The following HDAC4 variants were observed in gnomAD, a reference collection of about 807,000 sequenced individuals.
HDAC4 encodes histone deacetylase A.
A neutral mutation model predicts 135.1 loss-of-function variants in HDAC4; 16 were observed. That is an observed-to-expected ratio of 0.12 (90% CI 0.08 to 0.18). The LOEUF is 0.18. Among genes scored for constraint, HDAC4 ranks in the 10% least tolerant of loss-of-function variants. HDAC4 has a pLI of 1.00. For missense variants in HDAC4, 1,143 were observed against 1,511.8 expected (o/e 0.76, Z 4.05); for synonymous variants, 685 against 653.4 (o/e 1.05, Z -0.74).
intron 1 of HDAC4, among the ~76,000 whole-genome samples, chr2:239,370,082 A>AC (rs1322183605): frequency 1.3e-5 from 2 of 152,264 alleles, no homozygotes; most frequent in Non-Finnish European, 2.9e-5. Flanking sequence ...CCTGTACAGG[A>AC]CGGCAGGCCG....
At chr2:239,079,589 C>T (rs778058075) in intron 22 of HDAC4, among the ~76,000 whole-genome samples, 1 of 152,238 alleles carries the variant, frequency 6.6e-6, no homozygotes, top group African/African-American at 2.4e-5. Context: ...GACTTATTCA[C>T]CGTCCCCAGA....
intron 6 of HDAC4, among the ~76,000 whole-genome samples, chr2:239,161,371 C>T (rs2042781709): frequency 6.6e-6 from 1 of 152,174 alleles, no homozygotes; most frequent in Admixed American, 6.5e-5. Flanking sequence ...TCCCCCTCCC[C>T]ATCAAGGTTG....
At position 239,094,318 on chromosome 2, in the gene HDAC4, A is replaced by C. The variant is rs1402135236; in HGVS notation, c.2280+692T>G. Reference sequence around the variant, plus strand: ...TTTGTTATTGAGAAGTTTGATTGCAAGACCTGACCCTTCCTGTGTGGACGG... The same window carrying C: ...TTTGTTATTGAGAAGTTTGATTGCACGACCTGACCCTTCCTGTGTGGACGG... On this transcript the variant is annotated intron_variant, in intron 17 of 26. Transcript: ENST00000543185. The C allele has an allele frequency of 3.0e-6, 3 of 985,464 alleles. No individual in the cohort carries two copies. In the East Asian group the frequency reaches 3.4e-4, roughly 112 times the overall value. 61.0% of individuals were successfully genotyped at this position (985,464 alleles called of 1,614,324 possible). A position where few individuals can be genotyped will look rare whatever the true frequency, so the allele number is the denominator to read the frequency against.
rs2030949958 is a variant in HDAC4 at position 239,052,149 on chromosome 2, A to C, written c.*948T>G. 1 of 152,500 alleles carries C rather than the reference A, an allele frequency of 6.6e-6. No homozygotes were observed. The highest frequency in any genetic ancestry group is 2.4e-5 in the African/African-American group (1 of 41,446). The allele number at this position is 152,500 out of a possible 1,614,324, so 9.4% of individuals were successfully genotyped here. A position where few individuals can be genotyped will look rare whatever the true frequency, so the allele number is the denominator to read the frequency against. On this transcript the variant is annotated 3_prime_UTR_variant, in exon 27 of 27. Coordinates refer to ENST00000543185, the MANE Select transcript of HDAC4 (RefSeq NM_001378414.1). ...AAATTTGTTGGACTTCAAAACCTCC[A>C]ACGGGATTTGCCACTTTTTTGGAAC...
rs369838037 is a variant in HDAC4, at chr2:239,066,888, C to T, written c.2870-33G>A. The T allele has an allele frequency of 6.9e-5, 111 of 1,604,368 alleles. 1 individual carries two copies. The highest frequency in any genetic ancestry group is 2.7e-4 in the East Asian group (12 of 44,580). ...GGGAAACGGGAGACTGCAGTGTGAA[C>T]GGGGGAGGACCGCAGCCAGCACAGC... On this transcript the variant is annotated intron_variant, in intron 23 of 26. Transcript: ENST00000543185.
intron 2 of HDAC4, among the ~76,000 whole-genome samples, chr2:239,269,704 C>T (rs2049955568): frequency 6.6e-6 from 1 of 152,148 alleles, no homozygotes; most frequent in South Asian, 2.1e-4. Context: ...GCCGGGTCAC[C>T]GTGTGTTCAG....
intron 3 of HDAC4, among the ~76,000 whole-genome samples, chr2:239,211,837 C>T (rs145264828): frequency 2.6e-3 from 402 of 152,200 alleles, no homozygotes; most frequent in African/African-American, 9.1e-3. Context: ...AAAAATAAGC[C>T]CCGAAAAAAA....
chr2:239,087,546 G>A lies in HDAC4; in HGVS notation c.2444+13C>T, dbSNP rs749228308. 7 of 1,612,298 alleles carry A rather than the reference G, an allele frequency of 4.3e-6. No homozygotes were observed. Among genetic ancestry groups the A allele is most frequent in the African/African-American group, 2.7e-5 (2 of 74,910 alleles). ...GGGTTCCCCTGCTGTGCGGGGCTGC[G>A]GCGTGTACTCACATGGGCGTGCTCT... On this transcript the variant is annotated intron_variant, in intron 19 of 26. Coordinates refer to ENST00000543185, the MANE Select transcript of HDAC4 (RefSeq NM_001378414.1).
chr2:239,396,162 A>G (rs577392941), intron 1 of HDAC4, among the ~76,000 whole-genome samples: 2 of 147,528 alleles, frequency 1.4e-5, no homozygotes, highest in South Asian at 4.3e-4. Flanking sequence ...TTTTGTAGAG[A>G]TGAGGGTCTC....
chr2:239,142,753 G>T (rs745427780), intron 8 of HDAC4, among the ~76,000 whole-genome samples: 3 of 144,082 alleles, frequency 2.1e-5, no homozygotes, highest in African/African-American at 7.9e-5. Context: ...GTCACACATG[G>T]CTCCTGGGTG....
intron 2 of HDAC4, among the ~76,000 whole-genome samples, chr2:239,345,301 G>A (rs556450082): frequency 3.3e-5 from 5 of 152,248 alleles, no homozygotes; most frequent in Non-Finnish European, 5.9e-5. Flanking sequence ...TGTAATCCAG[G>A]ACTTTGGGAG....
intron 2 of HDAC4, among the ~76,000 whole-genome samples, chr2:239,271,954 C>T (rs2050083875): frequency 6.6e-6 from 1 of 152,194 alleles, no homozygotes; most frequent in Non-Finnish European, 1.5e-5. Context: ...AACCTGGCGC[C>T]AGATTCCAAC....
At chr2:239,356,470 ACAGT>A (rs1693497058) in intron 1 of HDAC4, among the ~76,000 whole-genome samples, 1 of 152,356 alleles carries the variant, frequency 6.6e-6, no homozygotes, top group East Asian at 1.9e-4. Context: ...TTTATAACGT[ACAGT>A]CAATCTTCCC....
At chr2:239,168,049 C>T (rs947657845) in intron 5 of HDAC4, among the ~76,000 whole-genome samples, 11 of 152,194 alleles carry the variant, frequency 7.2e-5, no homozygotes, top group South Asian at 2.1e-4. Context: ...CGAGTCCAGA[C>T]GACAGAGCTG....
At position 239,050,384 on chromosome 2, in the gene HDAC4, T is replaced by A. The variant is rs74759164; in HGVS notation, c.*2713A>T. ...AGGTGGCAGGATCCCCAGAGGGCTA[T>A]GCAGAGAATGAGGCCAAGGAGGCCA... On this transcript the variant is annotated 3_prime_UTR_variant, in exon 27 of 27. Coordinates refer to ENST00000543185, the MANE Select transcript of HDAC4 (RefSeq NM_001378414.1). 17,511 of 152,242 alleles carry A rather than the reference T, an allele frequency of 0.12. 1,161 individuals carry two copies. The highest frequency in any genetic ancestry group is 0.15 in the Non-Finnish European group (10,518 of 68,016). The allele number at this position is 152,242 out of a possible 1,614,324, so 9.4% of individuals were successfully genotyped here. A position where few individuals can be genotyped will look rare whatever the true frequency, so the allele number is the denominator to read the frequency against.
At chr2:239,381,553 T>C (rs1695416698) in intron 1 of HDAC4, among the ~76,000 whole-genome samples, 1 of 152,128 alleles carries the variant, frequency 6.6e-6, no homozygotes, top group African/African-American at 2.4e-5. Context: ...TCCCAAGAGT[T>C]TTCAAAATTA....
In HDAC4 at chr2:239,139,675, C is replaced by A. The variant is rs376128866; in HGVS notation, c.978+9G>T. 2.9e-5 allele frequency: 46 copies of A among 1,610,904 alleles called. No homozygotes were observed. The highest frequency in any genetic ancestry group is 3.5e-5 in the Non-Finnish European group (41 of 1,177,196). ...GCCGTAGGACACAGGACAAACGCTT[C>A]GCACTGACCTCCGCCGGGATGCTGG... is the stretch of plus-strand genomic sequence containing the variant. On this transcript the variant is annotated intron_variant, in intron 9 of 26. Transcript: ENST00000543185. This position sits in a 1 kb window ranked among gnomAD's most constrained non-coding sequence, Gnocchi z 5.3.
chr2:239,390,258 A>C (rs1696110073), intron 1 of HDAC4, among the ~76,000 whole-genome samples: 1 of 152,208 alleles, frequency 6.6e-6, no homozygotes, highest in African/African-American at 2.4e-5. Context: ...CCAGCCAGGT[A>C]CAGTACCTCA....
In HDAC4 at chr2:239,352,274, A is replaced by G. The variant is rs150996340; in HGVS notation, c.22+404T>C. Among the ~76,000 whole-genome samples the G allele has an allele frequency of 1.5e-3, 232 of 152,258 alleles. 1 individual carries two copies. Among genetic ancestry groups the G allele is most frequent in the African/African-American group, 5.3e-3 (222 of 41,560 alleles). On this transcript the variant is annotated intron_variant, in intron 2 of 26. Coordinates refer to ENST00000543185, the MANE Select transcript of HDAC4 (RefSeq NM_001378414.1). The surrounding 1 kb of genome is among the most constrained non-coding windows in gnomAD (Gnocchi z 4.4). The stretch of plus-strand genomic sequence containing the variant: ...TCAGTGGGAACATGAGCTTCTTCCC[A>G]GACAGCCCAGACGCCCAGTTGGAGG...
Sources: allele counts gnomAD v4.1 joint callset (sites outside exome capture counted in the v4.1 genomes callset), GRCh38; gene constraint gnomAD v4.1.1; non-coding constraint Gnocchi (gnomAD v3.1); transcripts MANE v1.5; gene names NCBI Gene and HGNC (gene_info 2026-07-23, HGNC 2026-07-21).